Variants in ASTN1 observed in about 807,000 individuals in gnomAD.
The protein encoded by ASTN1 is astrotactin-1.
ASTN1 carries 41 observed loss-of-function variants against 140.7 expected under a neutral mutation model. The ratio of observed to expected loss-of-function variants is 0.29; its 90% CI spans 0.23 to 0.38. The LOEUF (loss-of-function observed/expected upper bound fraction) is 0.38. Among genes scored for constraint, ASTN1 ranks in the 10% least tolerant of loss-of-function variants. The pLI is 1.00. For synonymous variants in ASTN1, 640 were observed against 652.2 expected, an observed-to-expected ratio of 0.98 and a Z score of 0.29; for missense variants, 1,479 against 1,678.8, an observed-to-expected ratio of 0.88 and a Z score of 2.08.
chr1:177,126,424 T>C (rs1412926191), intron 1 of ASTN1, among the ~76,000 whole-genome samples: 3 of 152,160 alleles, frequency 2.0e-5, no homozygotes, highest in Non-Finnish European at 2.9e-5. Context: ...AACTTCCAGA[T>C]CAAATGAAAT....
chr1:177,082,123 C>T (rs530040409), intron 1 of ASTN1, among the ~76,000 whole-genome samples: 2 of 152,272 alleles, frequency 1.3e-5, no homozygotes, highest in African/African-American at 4.8e-5. Context: ...ACCTTTCAGA[C>T]ATTTAAATGG....
chr1:176,869,736 C>A (rs1352142054), intron 21 of ASTN1, among the ~76,000 whole-genome samples: 1 of 152,072 alleles, frequency 6.6e-6, no homozygotes, highest in Non-Finnish European at 1.5e-5. Context: ...CATTAACAAC[C>A]CTGCACTTCT....
intron 22 of ASTN1, 110 bp downstream of exon 22, chr1:176,868,734 G>T: frequency 2.5e-6 from 3 of 1,223,460 alleles, no homozygotes; most frequent in South Asian, 1.9e-5. Flanking sequence ...TTCTCTGATT[G>T]CCTAAGCTCA....
chr1:176,976,454 G>A lies in ASTN1; in HGVS notation c.1524-11217C>T, dbSNP rs532341646. 6 of 152,296 alleles carry A rather than the reference G, an allele frequency of 3.9e-5. No homozygotes were observed. The South Asian group carries it at 6.2e-4, about 16-fold the overall frequency. The allele number at this position is 152,296 out of a possible 1,614,324, so 9.4% of individuals were successfully genotyped here. ...AAAGAGCATGCTGAGAGCAGGGTCC[G>A]TCGCTGACCAACACTGACCCTGCAG... On this transcript the variant is annotated intron_variant, in intron 8 of 22. Transcript: ENST00000361833.
chr1:177,039,010 C>T (rs936921570), intron 2 of ASTN1, among the ~76,000 whole-genome samples: 24 of 152,196 alleles, frequency 1.6e-4, no homozygotes, highest in East Asian at 7.7e-4. Flanking sequence ...AATAAATCTT[C>T]GAATAAAAGA....
At position 177,122,014 on chromosome 1, in the gene ASTN1, C is replaced by A. The variant is rs936903332; in HGVS notation, c.283+42380G>T. The stretch of plus-strand genomic sequence containing the variant: ...TGGCAGTTTCATTTCTTGGCTCGAG[C>A]AGAAGGAATAAATGCTGAGAGAAGG... On this transcript the variant is annotated intron_variant, in intron 1 of 22. Transcript: ENST00000361833. Among the ~76,000 whole-genome samples, 3 of 152,220 alleles carry A rather than the reference C, an allele frequency of 2.0e-5. No individual in the cohort carries two copies. The South Asian group carries it at 6.2e-4, about 32-fold the overall frequency.
intron 2 of ASTN1, among the ~76,000 whole-genome samples, chr1:177,047,567 G>A (rs1677302766): frequency 6.6e-6 from 1 of 152,170 alleles, no homozygotes; most frequent in Admixed American, 6.5e-5. Flanking sequence ...GGTGGTTGAA[G>A]GGAATTTTTT....
At position 176,925,626 on chromosome 1, in the gene ASTN1, T is replaced by C. The variant is rs974449901; in HGVS notation, c.2671+8526A>G. Among the ~76,000 whole-genome samples the C allele has an allele frequency of 9.2e-5, 14 of 152,306 alleles. No individual in the cohort carries two copies. The South Asian group carries it at 1.5e-3, about 16-fold the overall frequency. ...AAGAGTTAATGGCAGTGGATCACCA[T>C]GAAATCTACCCAGGGTTGATTTCTG... On this transcript the variant is annotated intron_variant, in intron 16 of 22. Coordinates refer to ENST00000361833, the MANE Select transcript of ASTN1 (RefSeq NM_004319.3).
intron 8 of ASTN1, among the ~76,000 whole-genome samples, chr1:177,007,064 C>T (rs1032982380): frequency 6.6e-6 from 1 of 152,188 alleles, no homozygotes; most frequent in African/African-American, 2.4e-5. Flanking sequence ...TGACCTTGGG[C>T]AAGTTACTTT....
intron 16 of ASTN1, among the ~76,000 whole-genome samples, chr1:176,917,780 G>T (rs1670553032): frequency 6.6e-6 from 1 of 152,122 alleles, no homozygotes; most frequent in South Asian, 2.1e-4. Flanking sequence ...ACTCACCTTG[G>T]AGACACCTCA....
intron 6 of ASTN1, among the ~76,000 whole-genome samples, chr1:177,024,028 C>T (rs1675969934): frequency 6.6e-6 from 1 of 152,216 alleles, no homozygotes; most frequent in South Asian, 2.1e-4. Flanking sequence ...ACTCAGAGAA[C>T]AGACATTAAC....
chr1:177,122,412 G>A (rs936135693), intron 1 of ASTN1, among the ~76,000 whole-genome samples: 1 of 152,172 alleles, frequency 6.6e-6, no homozygotes, highest in Non-Finnish European at 1.5e-5. Flanking sequence ...GCTGAGCAGT[G>A]ATGGCTCAAA....
At chr1:176,996,310 C>CACACAGAG (rs760390036) in intron 8 of ASTN1, among the ~76,000 whole-genome samples, 10 of 126,596 alleles carry the variant, frequency 7.9e-5, no homozygotes, top group Non-Finnish European at 1.1e-4. Context: ...CACACACACA[C>CACACAGAG]AGAGAGAGAG....
intron 16 of ASTN1, among the ~76,000 whole-genome samples, chr1:176,919,688 G>GC (rs2103071483): frequency 6.6e-6 from 1 of 152,310 alleles, no homozygotes; most frequent in African/African-American, 2.4e-5. Flanking sequence ...AGCTGAAAAT[G>GC]CCCCCCAAAC....
intron 20 of ASTN1, among the ~76,000 whole-genome samples, 191 bp downstream of exon 20, chr1:176,882,661 CGTATTAT>C (rs1668853675): frequency 6.6e-6 from 1 of 151,984 alleles, no homozygotes; most frequent in African/African-American, 2.4e-5. Flanking sequence ...GGGACAGGAC[CGTATTAT>C]CTTTCTAGAT....
At chr1:177,068,579 C>T (rs1213990782) in intron 1 of ASTN1, among the ~76,000 whole-genome samples, 1 of 152,110 alleles carries the variant, frequency 6.6e-6, no homozygotes, top group Non-Finnish European at 1.5e-5. Flanking sequence ...GTGTTGTAAG[C>T]TCCCTGGAGC....
At chr1:177,093,217 A>G (rs1679852004) in intron 1 of ASTN1, among the ~76,000 whole-genome samples, 1 of 152,184 alleles carries the variant, frequency 6.6e-6, no homozygotes, top group Admixed American at 6.5e-5. Context: ...CACATAATCT[A>G]CTTAGTTGGA....
At chr1:177,048,559 T>C (rs1325234127) in intron 2 of ASTN1, among the ~76,000 whole-genome samples, 1 of 152,208 alleles carries the variant, frequency 6.6e-6, no homozygotes, top group Admixed American at 6.5e-5. Flanking sequence ...CGGCTTTACC[T>C]GAGTCATTTT....
At chr1:176,896,063 C>T (rs1024183953) in intron 16 of ASTN1, among the ~76,000 whole-genome samples, 1 of 152,118 alleles carries the variant, frequency 6.6e-6, no homozygotes, top group African/African-American at 2.4e-5. Context: ...TATGACTCAT[C>T]GACTTTATAA....
Sources: gnomAD v4.1 joint callset for allele counts (sites outside exome capture counted in the v4.1 genomes callset) on GRCh38, gnomAD v4.1.1 for gene constraint, MANE v1.5 for transcripts, NCBI Gene and HGNC (gene_info 2026-07-23, HGNC 2026-07-21) for gene names.